Variants in SSBP3 observed in about 807,000 individuals in gnomAD.
SSBP3 encodes single-stranded DNA-binding protein 3.
Under a neutral mutation model 69.6 loss-of-function variants are expected in SSBP3, and 5 were observed. The ratio of observed to expected loss-of-function variants is 0.07; its 90% CI spans 0.04 to 0.15. SSBP3 has a LOEUF of 0.15. SSBP3 is among the 10% of genes least tolerant of loss of function. The pLI is 1.00. For missense variants in SSBP3, 312 were observed against 534.0 expected, an observed-to-expected ratio of 0.58 and a Z score of 4.10; for synonymous variants, 196 against 193.4, an observed-to-expected ratio of 1.01 and a Z score of -0.11.
intron 4 of SSBP3, among the ~76,000 whole-genome samples, chr1:54,374,930 GA>G (rs1475538285): frequency 6.6e-6 from 1 of 152,232 alleles, no homozygotes; most frequent in African/African-American, 2.4e-5. Flanking sequence ...AGGGGCCAGA[GA>G]GGGGGAGGGG....
chr1:54,376,628 G>A (rs1042952990), intron 4 of SSBP3, among the ~76,000 whole-genome samples: 2 of 152,182 alleles, frequency 1.3e-5, no homozygotes, highest in Admixed American at 1.3e-4. Context: ...TAGGAGGGGG[G>A]CTTTCACCCT....
At chr1:54,384,376 A>G (rs1031976794) in intron 4 of SSBP3, among the ~76,000 whole-genome samples, 2 of 152,168 alleles carry the variant, frequency 1.3e-5, no homozygotes, top group African/African-American at 4.8e-5. Flanking sequence ...AACCATTCAA[A>G]TGCACAGACT....
At chr1:54,244,972 G>A (rs1446758426) in intron 9 of SSBP3, among the ~76,000 whole-genome samples, 2 of 152,070 alleles carry the variant, frequency 1.3e-5, no homozygotes, top group African/African-American at 2.4e-5. Flanking sequence ...TTGAAGGTGG[G>A]GCTGTGTCTT....
At chr1:54,353,933 G>A (rs906709783) in intron 4 of SSBP3, among the ~76,000 whole-genome samples, 1 of 152,152 alleles carries the variant, frequency 6.6e-6, no homozygotes, top group Non-Finnish European at 1.5e-5. Context: ...CTACAGATGA[G>A]GAGGAGACTG....
At chr1:54,374,751 C>T (rs1038247457) in intron 4 of SSBP3, among the ~76,000 whole-genome samples, 1 of 152,174 alleles carries the variant, frequency 6.6e-6, no homozygotes, top group African/African-American at 2.4e-5. Flanking sequence ...AGAACCCAGA[C>T]AGAGTGTAAA....
At chr1:54,383,824 C>T (rs1026232673) in intron 4 of SSBP3, among the ~76,000 whole-genome samples, 2 of 151,946 alleles carry the variant, frequency 1.3e-5, no homozygotes, top group African/African-American at 4.8e-5. Flanking sequence ...AAGCAAGAAC[C>T]GGCCGGGCAC....
intron 5 of SSBP3, among the ~76,000 whole-genome samples, chr1:54,267,448 G>A (rs1357608759): frequency 2.0e-5 from 3 of 152,232 alleles, no homozygotes; most frequent in Non-Finnish European, 2.9e-5. Context: ...TGAGACCAGG[G>A]TGCAACACTT....
At chr1:54,249,785 A>G (rs1644795894) in intron 9 of SSBP3, among the ~76,000 whole-genome samples, 1 of 45,142 alleles carries the variant, frequency 2.2e-5, no homozygotes, top group South Asian at 7.9e-4. Context: ...CTGTTAAAAG[A>G]AAAAAAAAAA....
At chr1:54,390,430 A>C (rs1227200535) in intron 4 of SSBP3, among the ~76,000 whole-genome samples, 1 of 152,166 alleles carries the variant, frequency 6.6e-6, no homozygotes, top group African/African-American at 2.4e-5. Flanking sequence ...GCTGCCAGCA[A>C]AATAACACCA....
chr1:54,241,013 G>A, intron 12 of SSBP3, 54 bp from the exon 13 acceptor site: 4 of 1,560,534 alleles, frequency 2.6e-6, no homozygotes, highest in Non-Finnish European at 3.5e-6. Flanking sequence ...CGAACATGGG[G>A]AGGGGCCGGC....
In SSBP3 at chr1:54,285,038, T is replaced by C. The variant is rs571020749; in HGVS notation, c.277-3511A>G. ...GGAGGACAAAAAACCAAGACCATGT[T>C]AGCATTGACTAAGGGGCAGGAAGCT... On this transcript the variant is annotated intron_variant, in intron 4 of 17. Transcript: ENST00000610401. 2.6e-5 allele frequency among the ~76,000 whole-genome samples: 4 copies of C among 152,332 alleles called. No homozygotes were observed. In the East Asian group the frequency reaches 5.8e-4, roughly 22 times the overall value.
At chr1:54,279,815 G>A (rs1280307167) in intron 5 of SSBP3, among the ~76,000 whole-genome samples, 1 of 152,226 alleles carries the variant, frequency 6.6e-6, no homozygotes, top group East Asian at 1.9e-4. Context: ...CTGGGAGAAG[G>A]ACAGCAGCCC....
intron 9 of SSBP3, among the ~76,000 whole-genome samples, chr1:54,244,464 C>T (rs1644699676): frequency 6.6e-6 from 1 of 152,036 alleles, no homozygotes; most frequent in Non-Finnish European, 1.5e-5. Context: ...CCAGGCTGGT[C>T]TCGAACTCCT....
At chr1:54,402,488 C>T (rs1355799899) in intron 3 of SSBP3, among the ~76,000 whole-genome samples, 3 of 152,138 alleles carry the variant, frequency 2.0e-5, no homozygotes, top group Admixed American at 6.5e-5. Flanking sequence ...GGCTCTTAAT[C>T]CCAGAGCCCG....
At chr1:54,343,561 C>G (rs1646643557) in intron 4 of SSBP3, among the ~76,000 whole-genome samples, 1 of 152,232 alleles carries the variant, frequency 6.6e-6, no homozygotes, top group African/African-American at 2.4e-5. Flanking sequence ...TGAAGGGGAT[C>G]AGGGATGGGC....
At chr1:54,353,200 G>A (rs1403265136) in intron 4 of SSBP3, among the ~76,000 whole-genome samples, 2 of 152,142 alleles carry the variant, frequency 1.3e-5, no homozygotes, top group Non-Finnish European at 2.9e-5. Context: ...ACACAAGTTT[G>A]TTTTATTTAT....
At chr1:54,254,003 G>A (rs567757190) in intron 7 of SSBP3, among the ~76,000 whole-genome samples, 2 of 152,378 alleles carry the variant, frequency 1.3e-5, no homozygotes, top group East Asian at 1.9e-4. Flanking sequence ...CCCTGAGACA[G>A]GGACAGACAG....
At chr1:54,368,978 G>A (rs1647074962) in intron 4 of SSBP3, among the ~76,000 whole-genome samples, 2 of 152,158 alleles carry the variant, frequency 1.3e-5, no homozygotes, top group South Asian at 4.1e-4. Flanking sequence ...GTGTAAAGGT[G>A]GGAAACCCAG....
At chr1:54,346,459 T>C (rs146018287) in intron 4 of SSBP3, among the ~76,000 whole-genome samples, 63 of 152,292 alleles carry the variant, frequency 4.1e-4, no homozygotes, top group African/African-American at 1.5e-3. Context: ...TTGAATTGTG[T>C]ACCTCCAAAA....
Sources: gnomAD v4.1 joint callset for allele counts (sites outside exome capture counted in the v4.1 genomes callset) on GRCh38, gnomAD v4.1.1 for gene constraint, MANE v1.5 for transcripts, NCBI Gene and HGNC (gene_info 2026-07-23, HGNC 2026-07-21) for gene names.